The following NEGR1 variants were observed in gnomAD, a reference collection of about 807,000 sequenced individuals.
NEGR1 encodes the protein neuronal growth regulator 1.
In NEGR1, 10 loss-of-function variants were observed where a neutral mutation model predicts 40.9. That is an observed-to-expected ratio of 0.24 (90% CI 0.15 to 0.42). NEGR1 has a LOEUF of 0.42. Ranked by LOEUF, NEGR1 falls within the 10% of genes least tolerant of loss-of-function variation. The pLI, the probability that NEGR1 is intolerant of heterozygous loss-of-function variation, is 1.00. For synonymous variants in NEGR1, 185 were observed against 166.8 expected, an observed-to-expected ratio of 1.11 and a Z score of -0.84; for missense variants, 352 against 438.9, an observed-to-expected ratio of 0.80 and a Z score of 1.77.
chr1:71,554,079 T>C (rs918604038), intron 6 of NEGR1, among the ~76,000 whole-genome samples: 1 of 151,530 alleles, frequency 6.6e-6, no homozygotes, highest in Admixed American at 6.6e-5. Flanking sequence ...AAGTTTGTTG[T>C]TTTGCTTTCA....
intron 1 of NEGR1, among the ~76,000 whole-genome samples, chr1:71,977,842 A>G (rs1055091764): frequency 5.3e-5 from 8 of 151,794 alleles, no homozygotes; most frequent in African/African-American, 1.7e-4. Context: ...AAGTAAAAGA[A>G]AGAAAATAAC....
At chr1:72,214,898 G>A (rs1653743750) in intron 1 of NEGR1, among the ~76,000 whole-genome samples, 1 of 149,730 alleles carries the variant, frequency 6.7e-6, no homozygotes, top group Non-Finnish European at 1.5e-5. Context: ...CCAAAAAAGA[G>A]TCTGTATAGC....
At chr1:71,578,358 G>A (rs763589513) in intron 6 of NEGR1, among the ~76,000 whole-genome samples, 70 of 152,100 alleles carry the variant, frequency 4.6e-4, no homozygotes, top group Non-Finnish European at 8.1e-4. Context: ...ATCTGGGGCT[G>A]GTGACAGTAT....
At chr1:71,574,638 T>C (rs1408899805) in intron 6 of NEGR1, among the ~76,000 whole-genome samples, 6 of 152,102 alleles carry the variant, frequency 3.9e-5, no homozygotes, top group African/African-American at 4.8e-5. Flanking sequence ...AAAATAGCAT[T>C]CATGTCTTAG....
intron 1 of NEGR1, among the ~76,000 whole-genome samples, chr1:71,966,933 T>G (rs1301324657): frequency 1.3e-5 from 2 of 152,180 alleles, no homozygotes; most frequent in Non-Finnish European, 2.9e-5. Flanking sequence ...TTATTTAACA[T>G]GCTCACAACT....
Position 71,757,138 on chromosome 1 carries a change from G to C in NEGR1, c.535+19034C>G, listed in dbSNP as rs145257709. Among the ~76,000 whole-genome samples, 539 of 151,950 alleles carry C rather than the reference G, an allele frequency of 3.5e-3. 3 individuals carry two copies. Among genetic ancestry groups the C allele is most frequent in the African/African-American group, 0.012 (493 of 41,468 alleles). ...AATGTTGCATTTTACCTCTTTTGTC[G>C]AACTGTCAAAATTAGCTTTTCACCA... On this transcript the variant is annotated intron_variant, in intron 3 of 6. Coordinates refer to ENST00000357731, the MANE Select transcript of NEGR1 (RefSeq NM_173808.3).
chr1:71,528,544 A>G (rs549076734), intron 6 of NEGR1, among the ~76,000 whole-genome samples: 3 of 151,476 alleles, frequency 2.0e-5, no homozygotes, highest in East Asian at 3.9e-4. Flanking sequence ...TTAACAAAAT[A>G]CAGTAAACTA....
intron 6 of NEGR1, among the ~76,000 whole-genome samples, chr1:71,480,178 T>A (rs1646845061): frequency 6.6e-6 from 1 of 151,980 alleles, no homozygotes; most frequent in Admixed American, 6.6e-5. Context: ...ATGTTTACTA[T>A]GTGCCAGACA....
At chr1:71,932,246 A>G (rs888066979) in intron 2 of NEGR1, among the ~76,000 whole-genome samples, 5 of 152,058 alleles carry the variant, frequency 3.3e-5, no homozygotes, top group African/African-American at 1.2e-4. Flanking sequence ...TGTTCCCATT[A>G]AATCAAAGCA....
At chr1:72,216,305 G>C (rs1232195175) in intron 1 of NEGR1, among the ~76,000 whole-genome samples, 1 of 149,234 alleles carries the variant, frequency 6.7e-6, no homozygotes, top group East Asian at 2.0e-4. Context: ...GCAAACCACC[G>C]TGACACATGT....
intron 1 of NEGR1, among the ~76,000 whole-genome samples, chr1:71,937,141 A>G (rs1645913437): frequency 6.6e-6 from 1 of 152,174 alleles, no homozygotes; most frequent in Non-Finnish European, 1.5e-5. Context: ...TACATTGCAG[A>G]ATCTAATTTG....
intron 3 of NEGR1, among the ~76,000 whole-genome samples, chr1:71,708,019 T>C (rs912258864): frequency 6.6e-6 from 1 of 151,888 alleles, no homozygotes; most frequent in African/African-American, 2.4e-5. Context: ...AGAAAGCCTT[T>C]CAAAAAAGGA....
chr1:71,544,295 T>C (rs912894943), intron 6 of NEGR1, among the ~76,000 whole-genome samples: 1 of 151,714 alleles, frequency 6.6e-6, no homozygotes, highest in African/African-American at 2.4e-5. Context: ...AGAAAAAACA[T>C]ATTTTTGATA....
In NEGR1 at chr1:72,077,681, C is replaced by A. The variant is rs190898892; in HGVS notation, c.177-142370G>T. ...ATAAATAAATAGGCCGGTGCAGTGG[C>A]GCATGCCTGTAGTCCCAGGTCCTAG... is the stretch of plus-strand genomic sequence containing the variant. On this transcript the variant is annotated intron_variant, in intron 1 of 6. Transcript: ENST00000357731. Among the ~76,000 whole-genome samples, 498 of 151,686 alleles carry A rather than the reference C, an allele frequency of 3.3e-3. 3 individuals are homozygous for A. The highest frequency in any genetic ancestry group is 0.012 in the African/African-American group (478 of 41,372).
intron 4 of NEGR1, among the ~76,000 whole-genome samples, chr1:71,637,640 T>A (rs531367140): frequency 6.6e-6 from 1 of 151,954 alleles, no homozygotes; most frequent in Admixed American, 6.6e-5. Context: ...AGCAGTCGCA[T>A]TGATGTCACC....
chr1:72,184,715 C>T (rs1218193359), intron 1 of NEGR1, among the ~76,000 whole-genome samples: 2 of 151,976 alleles, frequency 1.3e-5, no homozygotes, highest in South Asian at 2.1e-4. Context: ...TACTTATGAA[C>T]CATCCGGTCA....
At chr1:71,810,219 G>T (rs1487976874) in intron 2 of NEGR1, among the ~76,000 whole-genome samples, 2 of 152,052 alleles carry the variant, frequency 1.3e-5, no homozygotes, top group African/African-American at 4.8e-5. Context: ...TTTCCTTTGT[G>T]TTCTAGGACC....
chr1:72,259,839 C>T (rs568387207), intron 1 of NEGR1, among the ~76,000 whole-genome samples: 4 of 152,170 alleles, frequency 2.6e-5, no homozygotes, highest in Admixed American at 1.3e-4. Context: ...CAGGCAAAAT[C>T]GCTATGCAGG....
At chr1:71,725,746 C>A (rs1350836050) in intron 3 of NEGR1, among the ~76,000 whole-genome samples, 7 of 151,996 alleles carry the variant, frequency 4.6e-5, no homozygotes, top group Non-Finnish European at 1.0e-4. Flanking sequence ...ACTTGCCATC[C>A]TTTTCCTCCT....
Sources: gnomAD v4.1 joint callset for allele counts (sites outside exome capture counted in the v4.1 genomes callset) on GRCh38, gnomAD v4.1.1 for gene constraint, MANE v1.5 for transcripts, NCBI Gene and HGNC (gene_info 2026-07-23, HGNC 2026-07-21) for gene names.